F5: variants seen among roughly 807,000 people sequenced by gnomAD.
F5 encodes activated protein c cofactor.
In F5, 138 loss-of-function variants were observed where a neutral mutation model predicts 216.4. The ratio of observed to expected loss-of-function variants is 0.64; its 90% confidence interval spans 0.56 to 0.73. The LOEUF (loss-of-function observed/expected upper bound fraction) is 0.73. F5 is among the 30% of genes least tolerant of loss of function. The pLI, the probability that F5 is intolerant of heterozygous loss-of-function variation, is 0.00. For synonymous variants in F5, 916 were observed against 930.7 expected (o/e 0.98, Z 0.29); for missense variants, 2,403 against 2,674.0 (o/e 0.90, Z 2.24).
At chr1:169,534,692 C>A (rs990193912) in intron 14 of F5, among the ~76,000 whole-genome samples, 6 of 150,698 alleles carry the variant, frequency 4.0e-5, no homozygotes, top group Non-Finnish European at 7.4e-5. Flanking sequence ...GAAAGAAAGA[C>A]AGAAAATACA....
At chr1:169,548,685 T>A (rs571809198) in intron 10 of F5, among the ~76,000 whole-genome samples, 1 of 151,996 alleles carries the variant, frequency 6.6e-6, no homozygotes, top group Non-Finnish European at 1.5e-5. Context: ...CTAGCCAACA[T>A]GGTGAAACCC....
rs558948387 is a variant in F5 at position 169,521,696 on chromosome 1, C to T, written c.6049-1032G>A. Among the ~76,000 whole-genome samples the T allele has an allele frequency of 3.4e-5, 5 of 146,020 alleles. No homozygotes were observed. In the East Asian group the frequency reaches 1.0e-3, roughly 30 times the overall value. On this transcript the variant is annotated intron_variant, in intron 21 of 24. Transcript: ENST00000367797. ...AGTGCAGTGGCGTGATCTCGGCTCA[C>T]TGCAACCTCTGCCTTCCGGATTCAA...
At chr1:169,562,964 A>G (rs930830447) in intron 3 of F5, among the ~76,000 whole-genome samples, 13 of 152,028 alleles carry the variant, frequency 8.6e-5, no homozygotes, top group Admixed American at 5.9e-4. Flanking sequence ...TATTTCTTCT[A>G]TCTAAAGGAG....
intron 11 of F5, among the ~76,000 whole-genome samples, chr1:169,545,281 A>G (rs746830909): frequency 5.9e-5 from 9 of 152,244 alleles, no homozygotes; most frequent in Non-Finnish European, 1.2e-4. Flanking sequence ...ATTGTTCAAT[A>G]TGGTAGCCAC....
intron 23 of F5, among the ~76,000 whole-genome samples, chr1:169,516,738 T>G (rs1238804832): frequency 6.6e-6 from 1 of 152,204 alleles, no homozygotes; most frequent in African/African-American, 2.4e-5. Context: ...TGTGCATCAC[T>G]GCATATGTCC....
At chr1:169,525,789 C>G (rs1571562600) in intron 18 of F5, 112 bp downstream of exon 18, 1 of 820,428 alleles carries the variant, frequency 1.2e-6, no homozygotes, top group African/African-American at 1.7e-5. Context: ...ACAAATTATG[C>G]CTTTGTCACA....
chr1:169,544,194 GATAC>G, intron 12 of F5, 98 bp downstream of exon 12: 1 of 913,264 alleles, frequency 1.1e-6, no homozygotes, highest in Non-Finnish European at 1.8e-6. Flanking sequence ...GGGTCAGGGA[GATAC>G]ATAGAGGAGC....
intron 2 of F5, among the ~76,000 whole-genome samples, chr1:169,576,295 C>T (rs1305560979): frequency 6.6e-6 from 1 of 152,214 alleles, no homozygotes; most frequent in Non-Finnish European, 1.5e-5. Context: ...CTATCTTTCC[C>T]TACCCCTGTC....
chr1:169,582,021 A>G (rs1210985505), intron 2 of F5, among the ~76,000 whole-genome samples: 1 of 152,222 alleles, frequency 6.6e-6, no homozygotes, highest in Non-Finnish European at 1.5e-5. Flanking sequence ...TGCATCCACA[A>G]TGCCTATTTC....
At chr1:169,540,148 A>C in intron 13 of F5, 146 bp downstream of exon 13, 1 of 775,876 alleles carries the variant, frequency 1.3e-6, no homozygotes, top group Non-Finnish European at 2.1e-6. Context: ...GGAATTGACA[A>C]AGGAAAAAGA....
intron 21 of F5, among the ~76,000 whole-genome samples, chr1:169,522,666 A>G (rs1571560343): frequency 6.6e-6 from 1 of 152,166 alleles, no homozygotes; most frequent in South Asian, 2.1e-4. Flanking sequence ...AGAGGAGGAG[A>G]AGAGTTAGGG....
At chr1:169,574,935 C>T (rs1452964455) in intron 2 of F5, among the ~76,000 whole-genome samples, 1 of 152,170 alleles carries the variant, frequency 6.6e-6, no homozygotes, top group Non-Finnish European at 1.5e-5. Context: ...TAGATACACC[C>T]ACTCCCTGCC....
chr1:169,572,142 A>T (rs999636288), intron 3 of F5, 79 bp downstream of exon 3: 22 of 1,423,876 alleles, frequency 1.5e-5, no homozygotes, highest in Non-Finnish European at 2.0e-5. Context: ...CGTGGTTAAC[A>T]GTATAGTTTT....
intron 3 of F5, 83 bp from the exon 4 acceptor site, chr1:169,560,849 G>T: frequency 1.6e-6 from 2 of 1,245,984 alleles, no homozygotes. Flanking sequence ...GGATAGCTAA[G>T]ATGAGTTCTC....
chr1:169,550,298 C>CCCT (rs1553221193), intron 9 of F5, among the ~76,000 whole-genome samples: 3 of 134,426 alleles, frequency 2.2e-5, no homozygotes, highest in Non-Finnish European at 3.3e-5. Flanking sequence ...ACCCCCCCCC[C>CCCT]CCGACAGGCC....
At chr1:169,552,913 C>T (rs1254330537) in intron 7 of F5, among the ~76,000 whole-genome samples, 179 bp from the exon 8 acceptor site, 1 of 152,110 alleles carries the variant, frequency 6.6e-6, no homozygotes, top group Non-Finnish European at 1.5e-5. Flanking sequence ...AAACTGGAAA[C>T]TTCTGATTTG....
rs2101800721 is a variant in F5 at position 169,514,055 on chromosome 1, A to T, written c.*258T>A. The T allele has an allele frequency of 4.4e-6, 2 of 459,464 alleles. No homozygotes were observed. The highest frequency in any genetic ancestry group is 7.7e-5 in the East Asian group (2 of 25,980). 28.5% of individuals were successfully genotyped at this position (459,464 alleles called of 1,614,324 possible). A position where few individuals can be genotyped will look rare whatever the true frequency, so the allele number is the denominator to read the frequency against. ...ATAGCATTTTCAATCATTAAGAAAG[A>T]TAAGCCCTTTTCTTGTTGGTTCTTG... is the stretch of plus-strand genomic sequence containing the variant. On this transcript the variant is annotated 3_prime_UTR_variant, in exon 25 of 25. Coordinates refer to ENST00000367797, the MANE Select transcript of F5 (RefSeq NM_000130.5).
intron 14 of F5, among the ~76,000 whole-genome samples, chr1:169,533,602 T>A (rs1571567997): frequency 6.6e-6 from 1 of 152,120 alleles, no homozygotes; most frequent in East Asian, 1.9e-4. Context: ...AACAGATACT[T>A]ATCAAAAGAA....
At chr1:169,586,121 C>T in intron 1 of F5, 108 bp downstream of exon 1, 2 of 1,276,316 alleles carry the variant, frequency 1.6e-6, no homozygotes, top group Non-Finnish European at 2.2e-6. Context: ...TATTTACTTA[C>T]CTGAAGTTAA....
Sources: allele counts gnomAD v4.1 joint callset (sites outside exome capture counted in the v4.1 genomes callset), GRCh38; gene constraint gnomAD v4.1.1; transcripts MANE v1.5; gene names NCBI Gene and HGNC (gene_info 2026-07-23, HGNC 2026-07-21).